Variants in POLE observed in about 807,000 individuals in gnomAD.
The protein encoded by POLE is DNA polymerase epsilon catalytic subunit A.
A neutral mutation model predicts 279.2 loss-of-function variants in POLE; 188 were observed. The ratio of observed to expected loss-of-function variants is 0.67; its 90% CI spans 0.60 to 0.76. The LOEUF is 0.76. Among genes scored for constraint, POLE ranks in the 30% least tolerant of loss-of-function variants. The pLI is 0.00. For synonymous variants in POLE, 1,214 were observed against 1,172.5 expected, an observed-to-expected ratio of 1.04 and a Z score of -0.72; for missense variants, 2,703 against 3,016.7, an observed-to-expected ratio of 0.90 and a Z score of 2.44.
In POLE at chr12:132,657,417, C is replaced by A. The variant is rs2042569833; in HGVS notation, c.3391G>T (p.Asp1131Tyr). The change falls in exon 28 of 49, where the codon GAC becomes TAC. Residue 1131 changes from aspartate to tyrosine, a missense_variant. Asp to Tyr is a radical substitution (Grantham distance 160, BLOSUM62 -3). Around this residue, in one of 5 missense-constraint regions of POLE, gnomAD observed 1,551 missense variants for 1,686.1 expected, o/e 0.92. Coordinates refer to ENST00000320574, the MANE Select transcript of POLE (RefSeq NM_006231.4). ...CTTCCCAGCCGCTCAATGTAGTAGTCCCAATCCAGAATCTGCATGTGCAGG... is the reference window on the plus strand; with the variant it reads ...CTTCCCAGCCGCTCAATGTAGTAGTACCAATCCAGAATCTGCATGTGCAGG... ...DFDIRAILDWDYYIERLGSAI... is the reference protein window; with the variant it reads ...DFDIRAILDWYYYIERLGSAI... 6.2e-7 allele frequency: 1 copy of A among 1,614,118 alleles called. No homozygotes were observed.
At chr12:132,670,701 G>T (rs2042908421) in intron 16 of POLE, among the ~76,000 whole-genome samples, 1 of 151,998 alleles carries the variant, frequency 6.6e-6, no homozygotes, top group Non-Finnish European at 1.5e-5. Flanking sequence ...CACCGTGTTA[G>T]CCAGGATGGT....
chr12:132,657,598 C>T (rs2042574479), intron 27 of POLE, among the ~76,000 whole-genome samples, 169 bp from the exon 28 acceptor site: 1 of 152,198 alleles, frequency 6.6e-6, no homozygotes, highest in African/African-American at 2.4e-5. Context: ...CAGGGAGCTT[C>T]ACTGACTCCT....
At chr12:132,683,835 A>G (rs2043216894) in intron 1 of POLE, among the ~76,000 whole-genome samples, 1 of 152,266 alleles carries the variant, frequency 6.6e-6, no homozygotes, top group Non-Finnish European at 1.5e-5. Context: ...TGAGCTGTGT[A>G]TCTCACTTTT....
chr12:132,631,531 T>C (rs550109820), intron 45 of POLE, among the ~76,000 whole-genome samples: 1 of 152,286 alleles, frequency 6.6e-6, no homozygotes, highest in South Asian at 2.1e-4. Context: ...TCACCTGATC[T>C]CCAGCGTAAC....
intron 12 of POLE, 32 bp from the exon 13 acceptor site, chr12:132,673,739 G>A (rs768011909): frequency 6.2e-7 from 1 of 1,611,006 alleles, no homozygotes; most frequent in Middle Eastern, 1.7e-4. Context: ...AAGCCAGGAT[G>A]ATTCTAACAT....
chr12:132,648,849 G>C (rs2138594416), intron 32 of POLE, 80 bp downstream of exon 32: 2 of 1,446,700 alleles, frequency 1.4e-6, no homozygotes, highest in Non-Finnish European at 1.9e-6. Context: ...GGAGATGGAG[G>C]CTGGAGGCCA....
Position 132,634,249 on chromosome 12 carries a change from T to C in POLE, c.5941A>G (p.Asn1981Asp), listed in dbSNP as rs888148550. 4.3e-6 allele frequency: 7 copies of C among 1,614,046 alleles called. No individual in the cohort carries two copies. Among genetic ancestry groups the C allele is most frequent in the African/African-American group, 1.3e-5 (1 of 74,932 alleles). ...NVEDLLENNW[N>D]ILQFLPQAAS... ...GCCTGTGGCAAAAACTGCAAAATGTTCCAGTTGTTTTCCAGTAAATCCTCC... is the reference window on the plus strand; with the variant it reads ...GCCTGTGGCAAAAACTGCAAAATGTCCCAGTTGTTTTCCAGTAAATCCTCC... Residue 1981 changes from asparagine (N) to aspartate (D), a missense_variant, in exon 43 of 49, where the codon AAC becomes GAC. This residue lies in a region of POLE where 1,551 missense variants were observed against 1,686.1 expected (regional missense o/e 0.92). Coordinates refer to ENST00000320574, the MANE Select transcript of POLE (RefSeq NM_006231.4). This position sits in a 1 kb window ranked among gnomAD's most constrained non-coding sequence, Gnocchi z 4.0.
At position 132,676,595 on chromosome 12, in the gene POLE, T is replaced by C. The variant is rs2136015843; in HGVS notation, c.860A>G (p.Asp287Gly). 6.2e-7 allele frequency: 1 copy of C among 1,614,046 alleles called. No individual in the cohort carries two copies. The highest frequency in any genetic ancestry group is 8.5e-7 in the Non-Finnish European group (1 of 1,179,924). ...ETTKLPLKFPDAETDQIMMIS... is the reference protein window; with the variant it reads ...ETTKLPLKFPGAETDQIMMIS... ...CATCATAATCTGGTCTGTCTCAGCATCAGGAAACTTGAGGGGCAGTTTGGT... is the reference window on the plus strand; with the variant it reads ...CATCATAATCTGGTCTGTCTCAGCACCAGGAAACTTGAGGGGCAGTTTGGT... The change falls in exon 9 of 49, where the codon GAT becomes GGT. Residue 287 changes from aspartate to glycine, a missense_variant. Asp to Gly is a moderately conservative substitution (Grantham distance 94). This residue lies in a region of POLE where 1,011 missense variants were observed against 1,111.7 expected (regional missense o/e 0.91). Coordinates refer to ENST00000320574, the MANE Select transcript of POLE (RefSeq NM_006231.4).
At chr12:132,625,980 G>A in intron 46 of POLE, 137 bp downstream of exon 46, 1 of 1,100,144 alleles carries the variant, frequency 9.1e-7, no homozygotes, top group Non-Finnish European at 1.3e-6. Flanking sequence ...CTGGGAAGGG[G>A]CCTGTTGCCA....
At chr12:132,658,146 TAACACGTGCGTATGTGTA>T (rs1185697850) in intron 26 of POLE, 176 bp from the exon 27 acceptor site, 4 of 523,828 alleles carry the variant, frequency 7.6e-6, no homozygotes, top group South Asian at 4.1e-5. Context: ...CCTCGGGGAG[TAACACGTGCGTATGTGTA>T]AACACGTGCG....
Position 132,679,934 on chromosome 12 carries a change from A to G in POLE, c.423+20T>C, listed in dbSNP as rs201628896. 9 of 1,564,574 alleles carry G rather than the reference A, an allele frequency of 5.8e-6. No individual in the cohort carries two copies. The Admixed American group carries it at 8.8e-5, about 15-fold the overall frequency. ...AGACTCTGGCCTCATTTACCCCTGG[A>G]AAGTCTGGGTGATACTCACCAAGTC... On this transcript the variant is annotated intron_variant, in intron 5 of 48. Coordinates refer to ENST00000320574, the MANE Select transcript of POLE (RefSeq NM_006231.4).
chr12:132,626,824 C>G (rs1011626559), intron 45 of POLE, among the ~76,000 whole-genome samples: 3 of 152,220 alleles, frequency 2.0e-5, no homozygotes, highest in African/African-American at 7.2e-5. Flanking sequence ...GTCTTTTCAA[C>G]AAATGGTTCT....
chr12:132,656,129 G>T lies in POLE; in HGVS notation c.3582+1007C>A, dbSNP rs957878755. Among the ~76,000 whole-genome samples the T allele has an allele frequency of 9.9e-5, 15 of 151,986 alleles. No homozygotes were observed. In the South Asian group the frequency reaches 1.2e-3, roughly 13 times the overall value. ...AAATAAAAATTAGCTAGGCATGGTGGTGTGTGCCTATAATCCCAGCTACAC... is the reference window on the plus strand; with the variant it reads ...AAATAAAAATTAGCTAGGCATGGTGTTGTGTGCCTATAATCCCAGCTACAC... On this transcript the variant is annotated intron_variant, in intron 29 of 48. Transcript: ENST00000320574.
intron 20 of POLE, among the ~76,000 whole-genome samples, chr12:132,666,786 G>C (rs1184922262): frequency 6.6e-6 from 1 of 152,210 alleles, no homozygotes; most frequent in Non-Finnish European, 1.5e-5. Flanking sequence ...TCTGGAGGTA[G>C]ATGGTGGTGA....
chr12:132,674,524 C>G (rs2042999415), intron 12 of POLE, among the ~76,000 whole-genome samples: 1 of 152,158 alleles, frequency 6.6e-6, no homozygotes, highest in Non-Finnish European at 1.5e-5. Context: ...CTTCTCTACC[C>G]ATTCCCTGTC....
rs143858927 is a variant in POLE at position 132,649,694 on chromosome 12, C to T, written c.3778G>A (p.Ala1260Thr). Reference sequence around the variant, plus strand: ...TGCCTTACCTGGCTGGTTCCCAGGGCGGGAGGCTGCCCCAAGATTTCCTGC... The same window carrying T: ...TGCCTTACCTGGCTGGTTCCCAGGGTGGGAGGCTGCCCCAAGATTTCCTGC... ...PWQEILGQPP[A>T]LGTSQEEWLV... The change falls in exon 30 of 49, where the codon GCC (alanine) becomes ACC (threonine). Residue 1260 changes from alanine to threonine, a missense_variant. Ala to Thr is a moderately conservative substitution (Grantham distance 58, BLOSUM62 0). Around this residue, in one of 5 missense-constraint regions of POLE, gnomAD observed 1,551 missense variants for 1,686.1 expected, o/e 0.92. Transcript: ENST00000320574. 3.3e-5 allele frequency: 53 copies of T among 1,613,878 alleles called. No homozygotes were observed. The highest frequency in any genetic ancestry group is 6.7e-5 in the East Asian group (3 of 44,890).
chr12:132,646,525 TAAA>T (rs57636810), intron 32 of POLE, among the ~76,000 whole-genome samples: 2,482 of 144,664 alleles, frequency 0.017, 66 homozygotes, highest in African/African-American at 0.053. Context: ...TTTCTTCCTT[TAAA>T]AAAAAAAAAA....
chr12:132,670,257 T>C (rs1347095394), intron 16 of POLE, among the ~76,000 whole-genome samples: 1 of 151,066 alleles, frequency 6.6e-6, no homozygotes, highest in Non-Finnish European at 1.5e-5. Flanking sequence ...GCGCCTGTTA[T>C]CCCAGCTACT....
chr12:132,678,687 A>G (rs944048388), intron 6 of POLE, among the ~76,000 whole-genome samples: 17 of 152,222 alleles, frequency 1.1e-4, no homozygotes, highest in African/African-American at 3.9e-4. Flanking sequence ...AGGCTGCCTC[A>G]TGCAGGCTGA....
Sources: allele counts gnomAD v4.1 joint callset (sites outside exome capture counted in the v4.1 genomes callset), GRCh38; gene constraint gnomAD v4.1.1; regional missense constraint gnomAD v4.1.1; non-coding constraint Gnocchi (gnomAD v3.1); transcripts MANE v1.5; gene names NCBI Gene and HGNC (gene_info 2026-07-23, HGNC 2026-07-21).